Variants in NDUFA10 observed in about 807,000 individuals in gnomAD.
NDUFA10 encodes NADH dehydrogenase [ubiquinone] 1 alpha subcomplex subunit 10, mitochondrial.
In NDUFA10, 40 loss-of-function variants were observed where a neutral mutation model predicts 47.8. The ratio of observed to expected loss-of-function variants is 0.84; its 90% CI spans 0.65 to 1.09. The LOEUF (loss-of-function observed/expected upper bound fraction) is 1.09. Ranked by LOEUF, NDUFA10 falls within the 50% of genes least tolerant of loss-of-function variation. The pLI, the probability that NDUFA10 is intolerant of heterozygous loss-of-function variation, is 0.00. For missense variants in NDUFA10, 413 were observed against 451.1 expected (o/e 0.92, Z 0.76); for synonymous variants, 183 against 172.2 (o/e 1.06, Z -0.49).
intron 4 of NDUFA10, among the ~76,000 whole-genome samples, chr2:239,913,433 G>A (rs1693788807): frequency 6.6e-6 from 1 of 152,258 alleles, no homozygotes; most frequent in Non-Finnish European, 1.5e-5. Flanking sequence ...TTGTGGTCAC[G>A]TGGTGAACCT....
intron 6 of NDUFA10, among the ~76,000 whole-genome samples, chr2:240,009,745 T>C (rs1178089594): frequency 6.6e-6 from 1 of 152,240 alleles, no homozygotes; most frequent in Non-Finnish European, 1.5e-5. Flanking sequence ...AATACTAGTA[T>C]TAAAACTAAA....
intron 6 of NDUFA10, among the ~76,000 whole-genome samples, chr2:240,009,693 CA>C (rs1697069700): frequency 6.6e-6 from 1 of 152,230 alleles, no homozygotes; most frequent in Non-Finnish European, 1.5e-5. Flanking sequence ...CACAGAACTT[CA>C]ACGGAGCCAT....
intron 4 of NDUFA10, among the ~76,000 whole-genome samples, chr2:239,946,084 G>A (rs943030068): frequency 2.6e-5 from 4 of 152,198 alleles, no homozygotes; most frequent in African/African-American, 9.6e-5. Flanking sequence ...CCAGAGAGAG[G>A]GGCCACACCT....
intron 3 of NDUFA10, chr2:240,020,961 T>C: frequency 1.7e-6 from 1 of 594,746 alleles, no homozygotes; most frequent in Non-Finnish European, 3.0e-6. Context: ...AGTAGTGCCT[T>C]GAGAATTCTA....
chr2:239,911,338 C>T (rs1220809666), intron 4 of NDUFA10, among the ~76,000 whole-genome samples: 2 of 152,188 alleles, frequency 1.3e-5, no homozygotes, highest in Non-Finnish European at 2.9e-5. Context: ...TCTTTTCCAG[C>T]AGGCTCCCCT....
chr2:240,017,734 G>T, intron 4 of NDUFA10: 1 of 1,148,580 alleles, frequency 8.7e-7, no homozygotes, highest in Non-Finnish European at 1.3e-6. Flanking sequence ...TCTTGCGGGC[G>T]GCAAGCTCAC....
intron 9 of NDUFA10, among the ~76,000 whole-genome samples, chr2:239,977,106 A>G (rs1028021677): frequency 2.0e-5 from 3 of 152,186 alleles, no homozygotes; most frequent in African/African-American, 7.2e-5. Context: ...CCCTAAACTC[A>G]GACTGGAAGC....
intron 4 of NDUFA10, among the ~76,000 whole-genome samples, chr2:239,927,477 C>G (rs1484435078): frequency 6.6e-6 from 1 of 152,158 alleles, no homozygotes; most frequent in Non-Finnish European, 1.5e-5. Context: ...CAGGCCCTCA[C>G]GTTCACTCCC....
Position 239,958,323 on chromosome 2 carries a change from G to A in NDUFA10, c.*2795C>T, listed in dbSNP as rs1002132953. ...ATTGACATTTGCACTGCTAAGAACA[G>A]CCAATCCAGAAAGCTATAATTGGTA... On this transcript the variant is annotated 3_prime_UTR_variant, in exon 10 of 10. Transcript: ENST00000252711. The A allele has an allele frequency of 6.6e-6, 1 of 152,230 alleles. No individual in the cohort carries two copies. Among genetic ancestry groups the A allele is most frequent in the African/African-American group, 2.4e-5 (1 of 41,462 alleles). 9.4% of individuals were successfully genotyped at this position (152,230 alleles called of 1,614,324 possible).
chr2:239,894,043 C>T (rs1693345278), intron 5 of NDUFA10, among the ~76,000 whole-genome samples: 1 of 145,120 alleles, frequency 6.9e-6, no homozygotes, highest in African/African-American at 2.6e-5. Flanking sequence ...CCATCCTCAA[C>T]TCCATCATCC....
chr2:240,009,500 C>T (rs536418235), intron 6 of NDUFA10, among the ~76,000 whole-genome samples: 1 of 152,376 alleles, frequency 6.6e-6, no homozygotes, highest in South Asian at 2.1e-4. Flanking sequence ...AGAAAATACA[C>T]ATTCCTATGA....
intron 4 of NDUFA10, among the ~76,000 whole-genome samples, chr2:239,924,969 CA>C (rs1255593863): frequency 9.2e-5 from 14 of 152,076 alleles, no homozygotes; most frequent in African/African-American, 3.1e-4. Context: ...TACAATAACT[CA>C]AAAAATTACC....
intron 1 of NDUFA10, among the ~76,000 whole-genome samples, chr2:240,023,043 T>C (rs1697700389): frequency 6.6e-6 from 1 of 152,216 alleles, no homozygotes; most frequent in South Asian, 2.1e-4. Context: ...CTATGCCATG[T>C]GCTGACTCTG....
Position 239,961,163 on chromosome 2 carries a change from A to C in NDUFA10, c.1023T>G (p.Pro341=). The C allele has an allele frequency of 6.2e-7, 1 of 1,613,826 alleles. No homozygotes were observed. Among genetic ancestry groups the C allele is most frequent in the East Asian group, 2.2e-5 (1 of 44,838 alleles). The part of the protein sequence containing the change: ...FRELPGRKYS[P]GYNTEVGDKW... ...TGTCTCCCACCTCGGTGTTGTACCC[A>C]GGGCTGTACTTGCGGCCCGGCAGCT... Residue 341 remains proline (P), a synonymous_variant, in exon 10 of 10, where the codon CCT becomes CCG. Coordinates refer to ENST00000252711, the MANE Select transcript of NDUFA10 (RefSeq NM_004544.4).
chr2:240,022,124 C>T (rs780996420), intron 2 of NDUFA10, 48 bp downstream of exon 2: 3 of 1,547,310 alleles, frequency 1.9e-6, no homozygotes, highest in Non-Finnish European at 2.7e-6. Context: ...AAATAAGCAA[C>T]CATATATCTG....
At chr2:239,988,813 G>A (rs1696111552) in intron 9 of NDUFA10, among the ~76,000 whole-genome samples, 1 of 152,150 alleles carries the variant, frequency 6.6e-6, no homozygotes, top group Non-Finnish European at 1.5e-5. Flanking sequence ...GGGAGAAACA[G>A]CACATGCACT....
chr2:239,911,668 A>AGT (rs1209330426), intron 4 of NDUFA10, among the ~76,000 whole-genome samples: 1,640 of 79,244 alleles, frequency 0.021, 30 homozygotes, highest in African/African-American at 0.065. Context: ...AAAACATGAG[A>AGT]GAGTGTGTGT....
rs561335648 is a variant in NDUFA10, at chr2:239,918,791, C to T, written c.295-23477G>A. On this transcript the variant is annotated intron_variant, in intron 4 of 5. Coordinates refer to the NDUFA10 transcript ENST00000419408. ...CTGGTTACCCACGTCAGCTCCCACC[C>T]GTGTCCTCGCTCTCCACGCTGAGGG... is the stretch of plus-strand genomic sequence containing the variant. Among the ~76,000 whole-genome samples, 7 of 152,156 alleles carry T rather than the reference C, an allele frequency of 4.6e-5. No individual in the cohort carries two copies. The South Asian group carries it at 6.2e-4, about 13-fold the overall frequency.
rs565323381 is a variant in NDUFA10, at chr2:239,916,416, GCACACA to G, written c.295-21108_295-21103del. On this transcript the variant is annotated intron_variant, in intron 4 of 5. Transcript: ENST00000419408. ...CACACATACAAACACACACAGTAGC[GCACACA>G]CACAGACACAGACACAGCCAGACAC... Among the ~76,000 whole-genome samples, 7 of 150,886 alleles carry G rather than the reference GCACACA, an allele frequency of 4.6e-5. No individual in the cohort carries two copies. The East Asian group carries it at 1.2e-3, about 25-fold the overall frequency.
Sources: gnomAD v4.1 joint callset for allele counts (sites outside exome capture counted in the v4.1 genomes callset) on GRCh38, gnomAD v4.1.1 for gene constraint, MANE v1.5 for transcripts, NCBI Gene and HGNC (gene_info 2026-07-23, HGNC 2026-07-21) for gene names.